CIITA: variants seen among roughly 807,000 people sequenced by gnomAD.
The protein encoded by CIITA is MHC class II transactivator.
Under a neutral mutation model 115.1 loss-of-function variants are expected in CIITA, and 72 were observed. The ratio of observed to expected loss-of-function variants is 0.63; its 90% CI spans 0.52 to 0.76. The LOEUF (loss-of-function observed/expected upper bound fraction) is 0.76. Ranked by LOEUF, CIITA falls within the 30% of genes least tolerant of loss-of-function variation. CIITA has a pLI of 0.00. For synonymous variants in CIITA, 763 were observed against 635.6 expected, an observed-to-expected ratio of 1.20 and a Z score of -3.02; for missense variants, 1,617 against 1,463.8, an observed-to-expected ratio of 1.10 and a Z score of -1.71.
chr16:10,877,571 T>A (rs1252099756), intron 1 of CIITA, among the ~76,000 whole-genome samples, 189 bp downstream of exon 1: 1 of 152,194 alleles, frequency 6.6e-6, no homozygotes, highest in Non-Finnish European at 1.5e-5. Flanking sequence ...GAGGGAGACT[T>A]CAGGTCAGCC....
Position 10,903,767 on chromosome 16 carries a change from G to A in CIITA, c.809G>A (p.Ser270Asn), listed in dbSNP as rs1329546376. 6.2e-7 allele frequency: 1 copy of A among 1,614,136 alleles called. No homozygotes were observed. The highest frequency in any genetic ancestry group is 2.2e-5 in the East Asian group (1 of 44,884). The change falls in exon 9 of 20, where the codon AGT becomes AAT. Residue 270 changes from serine (S) to asparagine (N), a missense_variant. By Grantham distance (46) the Ser-to-Asn change is conservative. Transcript: ENST00000324288. ...VPQASQVPPP[S>N]GFTVHGLPTS... ...CAGGCCAGCCAAGTACCCCCTCCCA[G>A]TGGATTCACTGTCCACGGCCTCCCA... is the stretch of plus-strand genomic sequence containing the variant.
chr16:10,922,603 G>A (rs1183471669), intron 18 of CIITA, 113 bp downstream of exon 18: 4 of 1,033,890 alleles, frequency 3.9e-6, no homozygotes, highest in Admixed American at 2.0e-5. Context: ...GCAACCCTGG[G>A]TGAGCAGACA....
chr16:10,876,995 T>A (rs564238845), upstream of CIITA, among the ~76,000 whole-genome samples: 1 of 152,352 alleles, frequency 6.6e-6, no homozygotes, highest in South Asian at 2.1e-4. Flanking sequence ...ACTTTCTGTC[T>A]TCACCAAATT....
At chr16:10,922,873 A>G (rs913968161) in intron 18 of CIITA, 3 of 495,554 alleles carry the variant, frequency 6.1e-6, no homozygotes, top group Admixed American at 3.3e-5. Context: ...GATGTCCAAT[A>G]CTGGTTACTT....
At chr16:10,872,871 G>A (rs2035580546), upstream of CIITA, among the ~76,000 whole-genome samples, 1 of 152,212 alleles carries the variant, frequency 6.6e-6, no homozygotes, top group Non-Finnish European at 1.5e-5. Flanking sequence ...AGTAGGGGAG[G>A]AATCTTCATC....
chr16:10,922,136 A>G, intron 16 of CIITA, 31 bp from the exon 17 acceptor site: 3 of 1,587,438 alleles, frequency 1.9e-6, no homozygotes, highest in African/African-American at 1.3e-5. Context: ...ACAGGCCTCC[A>G]ATCCCTCCCC....
Position 10,901,879 on chromosome 16 carries a change from G to C in CIITA, c.482-159G>C, listed in dbSNP as rs768579903. The C allele has an allele frequency of 3.8e-6, 4 of 1,062,024 alleles. No homozygotes were observed. Among genetic ancestry groups the C allele is most frequent in the Non-Finnish European group, 5.7e-6 (4 of 704,092 alleles). The allele number at this position is 1,062,024 out of a possible 1,614,324, so 65.8% of individuals were successfully genotyped here. A position where few individuals can be genotyped will look rare whatever the true frequency, so the allele number is the denominator to read the frequency against. ...AAGGAGAGGACTGGGGGACTGCCTG[G>C]CACAGAGCAGTTGCTGATCAACACA... On this transcript the variant is annotated intron_variant, in intron 6 of 19. Transcript: ENST00000324288. This position sits in a 1 kb window ranked among gnomAD's most constrained non-coding sequence, Gnocchi z 6.8.
chr16:10,890,003 A>ACC (rs1219895951), intron 1 of CIITA, among the ~76,000 whole-genome samples: 1 of 152,152 alleles, frequency 6.6e-6, no homozygotes, highest in East Asian at 1.9e-4. Flanking sequence ...GCTTTTTGGG[A>ACC]ACTCAGATGG....
upstream of CIITA, among the ~76,000 whole-genome samples, chr16:10,874,166 T>C (rs2035673954): frequency 1.3e-5 from 2 of 152,066 alleles, no homozygotes; most frequent in African/African-American, 4.8e-5. Context: ...CTATTTTTAG[T>C]AGAGACAGGG....
chr16:10,922,799 C>A, intron 18 of CIITA: 1 of 527,928 alleles, frequency 1.9e-6, no homozygotes, highest in Non-Finnish European at 3.4e-6. Flanking sequence ...GACATCCACC[C>A]ATTTTTGACC....
chr16:10,897,574 C>A (rs1369776229), intron 3 of CIITA, among the ~76,000 whole-genome samples: 1 of 152,206 alleles, frequency 6.6e-6, no homozygotes, highest in African/African-American at 2.4e-5. Context: ...CTCTCTGCTT[C>A]TGGAAGGTGA....
Position 10,904,948 on chromosome 16 carries a change from C to T in CIITA, c.1006+136C>T, listed in dbSNP as rs1388545314. ...ACACTCATTTATTTATTCATTCATT[C>T]ATTCATTCACTTATTTGATTATGCC... On this transcript the variant is annotated intron_variant, in intron 10 of 19. Transcript: ENST00000324288. 3.5e-6 allele frequency: 3 copies of T among 866,612 alleles called. No homozygotes were observed. In the Admixed American group the frequency reaches 6.0e-5, roughly 17 times the overall value. 53.7% of individuals were successfully genotyped at this position (866,612 alleles called of 1,614,324 possible). A position where few individuals can be genotyped will look rare whatever the true frequency, so the allele number is the denominator to read the frequency against.
At chr16:10,916,577 G>T (rs979066924) in intron 15 of CIITA, 118 bp downstream of exon 15, 6 of 853,310 alleles carry the variant, frequency 7.0e-6, no homozygotes, top group Admixed American at 4.0e-5. Context: ...ACCCAGGCTA[G>T]AATATAGTGC....
Position 10,895,389 on chromosome 16 carries a change from A to G in CIITA, c.160A>G (p.Met54Val), listed in dbSNP as rs375944925. The change falls in exon 2 of 20, where the codon ATG becomes GTG. Residue 54 changes from methionine (M) to valine (V), a missense_variant. By Grantham distance (21) the Met-to-Val change is conservative. Transcript: ENST00000324288. ...PLCLYHFYDQ[M>V]DLAGEEEIEL... ...GTGCCTCTACCACTTCTATGACCAG[A>G]TGGACCTGGCTGGAGAAGAAGAGAT... The G allele has an allele frequency of 1.6e-5, 26 of 1,613,898 alleles. No homozygotes were observed. Among genetic ancestry groups the G allele is most frequent in the Non-Finnish European group, 2.1e-5 (25 of 1,180,020 alleles).
At chr16:10,884,130 G>A (rs942203099) in intron 1 of CIITA, among the ~76,000 whole-genome samples, 14 of 135,496 alleles carry the variant, frequency 1.0e-4, no homozygotes, top group African/African-American at 3.7e-4. Context: ...CATTTCACTT[G>A]TGACTGAGCT....
chr16:10,902,297 T>A lies in CIITA; in HGVS notation c.628+113T>A. 3 of 1,420,820 alleles carry A rather than the reference T, an allele frequency of 2.1e-6. No homozygotes were observed. The South Asian group carries it at 3.7e-5, about 17-fold the overall frequency. The allele number at this position is 1,420,820 out of a possible 1,614,324, so 88.0% of individuals were successfully genotyped here. A position where few individuals can be genotyped will look rare whatever the true frequency, so the allele number is the denominator to read the frequency against. On this transcript the variant is annotated intron_variant, in intron 7 of 19. Transcript: ENST00000324288. ...TGGACCTCACCTCTCCCCAACCCTA[T>A]CAGTGTCACTCACCTCTGCCCCAGC...
chr16:10,885,719 G>A (rs2036879939), intron 1 of CIITA, among the ~76,000 whole-genome samples: 1 of 152,140 alleles, frequency 6.6e-6, no homozygotes, highest in Non-Finnish European at 1.5e-5. Flanking sequence ...CACAAATCAA[G>A]CCATCACCAG....
At position 10,903,840 on chromosome 16, in the gene CIITA, C is replaced by A; in HGVS notation, c.882C>A (p.Ala294=). The A allele has an allele frequency of 6.2e-7, 1 of 1,614,240 alleles. No individual in the cohort carries two copies. The highest frequency in any genetic ancestry group is 2.2e-5 in the East Asian group (1 of 44,888). ...CCACCAGCCCCTTCGCTCCATCAGC[C>A]ACTGACCTGCCCAGCATGCCTGAAC... ...PGSTSPFAPS[A]TDLPSMPEPA... is the part of the protein sequence containing the mutation. Residue 294 remains alanine (A), a synonymous_variant, in exon 9 of 20, where the codon GCC becomes GCA. Coordinates refer to ENST00000324288, the MANE Select transcript of CIITA (RefSeq NM_000246.4).
intron 13 of CIITA, among the ~76,000 whole-genome samples, chr16:10,910,693 G>A (rs1001726744): frequency 1.3e-5 from 2 of 152,170 alleles, no homozygotes; most frequent in African/African-American, 2.4e-5. Flanking sequence ...TTGTAATTTC[G>A]CCAGGGATCA....
Sources: gnomAD v4.1 joint callset for allele counts (sites outside exome capture counted in the v4.1 genomes callset) on GRCh38, gnomAD v4.1.1 for gene constraint, Gnocchi (gnomAD v3.1) non-coding constraint, MANE v1.5 for transcripts, NCBI Gene and HGNC (gene_info 2026-07-23, HGNC 2026-07-21) for gene names.